Variants in INPP5K observed in about 807,000 individuals in gnomAD.
INPP5K encodes inositol polyphosphate 5-phosphatase K.
INPP5K carries 35 observed loss-of-function variants against 53.5 expected under a neutral mutation model. The observed-to-expected ratio is 0.65, with a 90% CI of 0.50 to 0.87. The LOEUF is 0.87. Among genes scored for constraint, INPP5K ranks in the 40% least tolerant of loss-of-function variants. The pLI is 0.00. For missense variants in INPP5K, 550 were observed against 586.2 expected (o/e 0.94, Z 0.64); for synonymous variants, 253 against 232.8 (o/e 1.09, Z -0.79).
chr17:1,509,253 C>A lies in INPP5K; in HGVS notation c.479G>T (p.Arg160Leu). The change falls in exon 5 of 12, where the codon CGG (arginine) becomes CTG (leucine). Residue 160 changes from arginine to leucine, a missense_variant. Physicochemically the swap from Arg to Leu is moderately radical, Grantham distance 102 (BLOSUM62 -2). Transcript: ENST00000421807. Reference sequence around the variant, plus strand: ...CAGGATCCGGTCAAAGTGCTCCAGCCGCTGGTAATTGTTGGAAATGTGGGG... The same window carrying A: ...CAGGATCCGGTCAAAGTGCTCCAGCAGCTGGTAATTGTTGGAAATGTGGGG... The part of the protein sequence containing the change: ...LPPHISNNYQ[R>L]LEHFDRILEM... The A allele has an allele frequency of 2.5e-6, 4 of 1,614,054 alleles. No individual in the cohort carries two copies. The highest frequency in any genetic ancestry group is 3.4e-6 in the Non-Finnish European group (4 of 1,180,018).
At position 1,513,484 on chromosome 17, in the gene INPP5K, A is replaced by G. The variant is rs1430968732; in HGVS notation, c.230T>C (p.Met77Thr). The change falls in exon 3 of 12, where the codon ATG becomes ACG. Residue 77 changes from methionine to threonine, a missense_variant. Coordinates refer to ENST00000421807, the MANE Select transcript of INPP5K (RefSeq NM_016532.4). The stretch of plus-strand genomic sequence containing the variant: ...GAAGCTCAGAGGGGAAAGCACATCC[A>G]TGAGGAAACTGCTCCACGAGTCATT... ...AFNDSWSSFL[M>T]DVLSPLSFIK... 5.0e-6 allele frequency: 8 copies of G among 1,614,248 alleles called. No individual in the cohort carries two copies. The highest frequency in any genetic ancestry group is 1.6e-4 in the Middle Eastern group (1 of 6,062).
chr17:1,506,716 C>T (rs983903568), intron 7 of INPP5K, among the ~76,000 whole-genome samples: 28 of 152,184 alleles, frequency 1.8e-4, no homozygotes, highest in African/African-American at 6.3e-4. Context: ...TCCACCCTCT[C>T]CTCTGGTTCT....
rs981465089 is a variant in INPP5K, at chr17:1,516,089, T to A, written c.44+367A>T. The A allele has an allele frequency of 1.2e-5, 14 of 1,139,790 alleles. No homozygotes were observed. In the Admixed American group the frequency reaches 2.6e-4, roughly 21 times the overall value. 70.6% of individuals were successfully genotyped at this position (1,139,790 alleles called of 1,614,324 possible). A position where few individuals can be genotyped will look rare whatever the true frequency, so the allele number is the denominator to read the frequency against. On this transcript the variant is annotated intron_variant, in intron 1 of 11. Coordinates refer to ENST00000421807, the MANE Select transcript of INPP5K (RefSeq NM_016532.4). ...GATTTCGGATTCCCGGGGTTCACCA[T>A]GGGATCAGGCAGACCTCCTGATGTA...
intron 5 of INPP5K, 147 bp downstream of exon 5, chr17:1,509,031 A>G: frequency 1.5e-6 from 1 of 655,512 alleles, no homozygotes; most frequent in South Asian, 1.8e-5. Context: ...GAGGGCGGGG[A>G]ACAGTCTGCA....
chr17:1,499,076 G>A (rs1013646671), intron 7 of INPP5K, among the ~76,000 whole-genome samples: 5 of 152,146 alleles, frequency 3.3e-5, no homozygotes, highest in South Asian at 2.1e-4. Flanking sequence ...CAACTTCCTC[G>A]CCTGCCAGTG....
At chr17:1,496,213 C>T (rs1380012222) in intron 10 of INPP5K, 49 bp from the exon 11 acceptor site, 3 of 1,517,652 alleles carry the variant, frequency 2.0e-6, no homozygotes, top group African/African-American at 1.4e-5. Context: ...CTCTGGGCTC[C>T]ACCCAGCTCT....
intron 11 of INPP5K, 38 bp from the exon 12 acceptor site, chr17:1,495,917 G>A: frequency 4.5e-6 from 7 of 1,554,600 alleles, no homozygotes; most frequent in Non-Finnish European, 6.2e-6. Context: ...TGGAGAGCGG[G>A]TCTTCCTCCG....
chr17:1,498,043 G>A lies in INPP5K; in HGVS notation c.856C>T (p.Pro286Ser). Residue 286 changes from proline to serine, a missense_variant, in exon 8 of 12, where the codon CCC becomes TCC. Coordinates refer to ENST00000421807, the MANE Select transcript of INPP5K (RefSeq NM_016532.4). ...GAGAAGTGTGACGCCGGCGGTATGGGAGTGTCGGGGCCAGCACAGGGCTGC... is the reference window on the plus strand; with the variant it reads ...GAGAAGTGTGACGCCGGCGGTATGGAAGTGTCGGGGCCAGCACAGGGCTGC... ...KRQPCAGPDTPIPPASHFSLS... is the reference protein window; with the variant it reads ...KRQPCAGPDTSIPPASHFSLS... The A allele has an allele frequency of 3.1e-6, 5 of 1,614,132 alleles. No individual in the cohort carries two copies. The highest frequency in any genetic ancestry group is 2.5e-6 in the Non-Finnish European group (3 of 1,179,994).
chr17:1,498,214 C>T, intron 7 of INPP5K, 92 bp from the exon 8 acceptor site: 2 of 1,138,648 alleles, frequency 1.8e-6, no homozygotes, highest in African/African-American at 1.5e-5. Flanking sequence ...TTGCTGGAGC[C>T]CCTAACTCCA....
chr17:1,515,103 C>A (rs34796098), intron 1 of INPP5K, among the ~76,000 whole-genome samples: 4,923 of 152,132 alleles, frequency 0.032, 169 homozygotes, highest in Admixed American at 0.11. Flanking sequence ...GACGGGGTTT[C>A]ACCATGTTGG....
chr17:1,513,370 GAGGAACACATC>G (rs2075352357), intron 3 of INPP5K, 72 bp downstream of exon 3: 4 of 1,051,726 alleles, frequency 3.8e-6, no homozygotes, highest in Non-Finnish European at 6.0e-6. Context: ...GCAGGAGTAA[GAGGAACACATC>G]AGACCCAACA....
At chr17:1,497,300 C>G (rs117323302) in intron 8 of INPP5K, among the ~76,000 whole-genome samples, 1 of 152,256 alleles carries the variant, frequency 6.6e-6, no homozygotes, top group East Asian at 1.9e-4. Flanking sequence ...TAGTGAAACC[C>G]TGTGTCTACA....
At chr17:1,513,800 C>T in intron 2 of INPP5K, 72 bp downstream of exon 2, 1 of 1,182,794 alleles carries the variant, frequency 8.5e-7, no homozygotes. Context: ...CGGAGGAGGG[C>T]AGGTCACAGT....
At position 1,508,195 on chromosome 17, in the gene INPP5K, G is replaced by A. The variant is rs141189913; in HGVS notation, c.586C>T (p.Arg196Trp). 60 of 1,613,872 alleles carry A rather than the reference G, an allele frequency of 3.7e-5. No homozygotes were observed. The highest frequency in any genetic ancestry group is 4.9e-5 in the Non-Finnish European group (58 of 1,179,952). The part of the protein sequence containing the change: ...LIIWFGDMNF[R>W]IEDFGLHFVR... ...AAGTGCAACCCAAAGTCCTCGATCC[G>A]AAAGTTCATGTCTCCAAACCAGATA... Residue 196 changes from arginine (R) to tryptophan (W), a missense_variant, in exon 6 of 12, where the codon CGG (arginine) becomes TGG (tryptophan). Coordinates refer to ENST00000421807, the MANE Select transcript of INPP5K (RefSeq NM_016532.4).
rs141449692 is a variant in INPP5K at position 1,500,556 on chromosome 17, G to A, written c.777-2434C>T. Among the ~76,000 whole-genome samples, 408 of 152,192 alleles carry A rather than the reference G, an allele frequency of 2.7e-3. 1 individual carries two copies. The highest frequency in any genetic ancestry group is 9.3e-3 in the African/African-American group (386 of 41,528). On this transcript the variant is annotated intron_variant, in intron 7 of 11. Coordinates refer to ENST00000421807, the MANE Select transcript of INPP5K (RefSeq NM_016532.4). ...ACTTTTTTGTATTTTTAGTAGAGAC[G>A]GGGTTTCACCGCATTAGCCAGGATG... is the stretch of plus-strand genomic sequence containing the variant.
Position 1,513,929 on chromosome 17 carries a change from A to C in INPP5K, c.95T>G (p.Leu32Arg). ...NVASAAPPLD[L>R]SDLLQLNNRN... ...GTTGTTCAGCTGAAGCAGGTCACTG[A>C]GATCTAGAGGGGGCGCTGCCGAAGC... The change falls in exon 2 of 12, where the codon CTC becomes CGC. Residue 32 changes from leucine (L) to arginine (R), a missense_variant. Physicochemically the swap from Leu to Arg is moderately radical, Grantham distance 102. Coordinates refer to ENST00000421807, the MANE Select transcript of INPP5K (RefSeq NM_016532.4). The C allele has an allele frequency of 6.2e-7, 1 of 1,613,550 alleles. No individual in the cohort carries two copies. Among genetic ancestry groups the C allele is most frequent in the Non-Finnish European group, 8.5e-7 (1 of 1,179,604 alleles).
At chr17:1,507,492 C>G (rs950825666) in intron 6 of INPP5K, 6 of 199,062 alleles carry the variant, frequency 3.0e-5, no homozygotes. Context: ...ACACGATGGG[C>G]TGACGCATGA....
Position 1,513,984 on chromosome 17 carries a change from G to A in INPP5K, c.45-5C>T, listed in dbSNP as rs958093097. On this transcript the variant is annotated splice_polypyrimidine_tract_variant and splice_region_variant and intron_variant, in intron 1 of 11. Transcript: ENST00000421807. ...TTCCAAGTCACGACGTGTATGCTGC[G>A]GAAGGGATGCAGAGGGAAGTCATGG... The A allele has an allele frequency of 2.5e-6, 4 of 1,599,102 alleles. No individual in the cohort carries two copies. Among genetic ancestry groups the A allele is most frequent in the African/African-American group, 1.3e-5 (1 of 74,710 alleles).
chr17:1,496,296 TGTACCTGGTGCTGGTGAC>T lies in INPP5K; in HGVS notation c.1185+5_1185+22del. Reference sequence around the variant, plus strand: ...CTGAGGCAGGCCTGCCTGCTGGTGATGTACCTGGTGCTGGTGACGTACCTGGTTCAGGTTGTCGCTGCA... The same window carrying T: ...CTGAGGCAGGCCTGCCTGCTGGTGATGTACCTGGTTCAGGTTGTCGCTGCA... On this transcript the variant is annotated splice_donor_5th_base_variant and intron_variant, in intron 10 of 11. Transcript: ENST00000421807. 1 of 1,551,690 alleles carries T rather than the reference TGTACCTGGTGCTGGTGAC, an allele frequency of 6.4e-7. No individual in the cohort carries two copies. The highest frequency in any genetic ancestry group is 8.7e-7 in the Non-Finnish European group (1 of 1,144,820).
Sources: allele counts gnomAD v4.1 joint callset (sites outside exome capture counted in the v4.1 genomes callset), GRCh38; gene constraint gnomAD v4.1.1; transcripts MANE v1.5; gene names NCBI Gene and HGNC (gene_info 2026-07-23, HGNC 2026-07-21).